The following TMEM163 variants were observed in gnomAD, a reference collection of about 807,000 sequenced individuals.
TMEM163 encodes the protein transmembrane protein 163.
TMEM163 carries 17 observed loss-of-function variants against 29.3 expected under a neutral mutation model. The ratio of observed to expected loss-of-function variants is 0.58; its 90% confidence interval spans 0.40 to 0.87. The LOEUF is 0.87. Among genes scored for constraint, TMEM163 ranks in the 40% least tolerant of loss-of-function variants. TMEM163 has a pLI of 0.00. For missense variants in TMEM163, 303 were observed against 381.5 expected, an observed-to-expected ratio of 0.79 and a Z score of 1.71; for synonymous variants, 157 against 160.6, an observed-to-expected ratio of 0.98 and a Z score of 0.17.
chr2:134,594,111 T>TC (rs1464476685), intron 2 of TMEM163, among the ~76,000 whole-genome samples: 4 of 152,084 alleles, frequency 2.6e-5, no homozygotes, highest in African/African-American at 9.7e-5. Flanking sequence ...TGGCAGAACT[T>TC]CCCCACCTTA....
chr2:134,558,857 A>T (rs548011303), intron 2 of TMEM163, among the ~76,000 whole-genome samples: 2 of 152,324 alleles, frequency 1.3e-5, no homozygotes, highest in South Asian at 4.1e-4. Flanking sequence ...TTGCAAAATT[A>T]TGTGACTGTA....
rs141950193 is a variant in TMEM163, at chr2:134,475,645, C to T, written c.556-9420G>A. Among the ~76,000 whole-genome samples, 36 of 152,110 alleles carry T rather than the reference C, an allele frequency of 2.4e-4. 3 individuals carry two copies. The highest frequency in any genetic ancestry group is 8.2e-4 in the African/African-American group (34 of 41,510). ...TAATTTCTACATCTCAGTAAGAAAA[C>T]AGATGACTCAATTAAAACAGAAGGC... On this transcript the variant is annotated intron_variant, in intron 5 of 7. Coordinates refer to ENST00000281924, the MANE Select transcript of TMEM163 (RefSeq NM_030923.5).
At chr2:134,519,782 C>T (rs767773625) in intron 4 of TMEM163, among the ~76,000 whole-genome samples, 5 of 150,528 alleles carry the variant, frequency 3.3e-5, no homozygotes, top group African/African-American at 9.8e-5. Context: ...TCCGACTACT[C>T]GAGACGCTGA....
chr2:134,505,985 A>G (rs1406429595), intron 4 of TMEM163, among the ~76,000 whole-genome samples: 3 of 152,142 alleles, frequency 2.0e-5, no homozygotes, highest in Admixed American at 2.0e-4. Flanking sequence ...CCCCCCATGG[A>G]GTCTGAGGAG....
At chr2:134,545,787 G>T (rs1680768874) in intron 4 of TMEM163, among the ~76,000 whole-genome samples, 1 of 152,158 alleles carries the variant, frequency 6.6e-6, no homozygotes, top group African/African-American at 2.4e-5. Flanking sequence ...TGGAATCTTG[G>T]TTTTTAGCAG....
chr2:134,473,947 G>T (rs1443769985), intron 5 of TMEM163, among the ~76,000 whole-genome samples: 1 of 151,958 alleles, frequency 6.6e-6, no homozygotes, highest in East Asian at 1.9e-4. Context: ...ATTTAAAGGA[G>T]AAATAACCAA....
At chr2:134,470,761 C>T (rs936558827) in intron 5 of TMEM163, among the ~76,000 whole-genome samples, 6 of 152,240 alleles carry the variant, frequency 3.9e-5, no homozygotes, top group African/African-American at 1.4e-4. Flanking sequence ...TGTGATTACC[C>T]TACCCAGGCC....
At chr2:134,657,022 C>A (rs1055240767) in intron 2 of TMEM163, among the ~76,000 whole-genome samples, 1 of 152,124 alleles carries the variant, frequency 6.6e-6, no homozygotes, top group Non-Finnish European at 1.5e-5. Flanking sequence ...ATTTTTGCAT[C>A]TATGTTAATA....
chr2:134,611,549 A>G (rs1411745191), intron 2 of TMEM163, among the ~76,000 whole-genome samples: 1 of 152,200 alleles, frequency 6.6e-6, no homozygotes, highest in Non-Finnish European at 1.5e-5. Flanking sequence ...TGACATATTC[A>G]GAGGTGTTCA....
intron 4 of TMEM163, among the ~76,000 whole-genome samples, chr2:134,547,476 A>G (rs147647344): frequency 1.1e-4 from 16 of 152,272 alleles, no homozygotes; most frequent in African/African-American, 3.4e-4. Context: ...CCAGTTGCAT[A>G]TTTTCCAATT....
chr2:134,513,414 C>G (rs1240127324), intron 4 of TMEM163, among the ~76,000 whole-genome samples: 1 of 152,188 alleles, frequency 6.6e-6, no homozygotes, highest in Non-Finnish European at 1.5e-5. Context: ...AGATTCTTTC[C>G]CCCTCCAAGA....
intron 4 of TMEM163, among the ~76,000 whole-genome samples, chr2:134,505,870 C>A (rs1397687018): frequency 2.6e-5 from 4 of 152,182 alleles, no homozygotes; most frequent in Non-Finnish European, 5.9e-5. Context: ...CAAAATTACA[C>A]TATAAATTCT....
chr2:134,494,495 G>A (rs527928930), intron 5 of TMEM163, among the ~76,000 whole-genome samples: 6 of 152,238 alleles, frequency 3.9e-5, no homozygotes, highest in East Asian at 3.9e-4. Flanking sequence ...AGGAACCTAC[G>A]GCATTACCCA....
At chr2:134,533,638 A>AT (rs1680464103) in intron 4 of TMEM163, among the ~76,000 whole-genome samples, 2 of 152,222 alleles carry the variant, frequency 1.3e-5, no homozygotes, top group Non-Finnish European at 1.5e-5. Context: ...TTCTCTTGTA[A>AT]TAAACCATCT....
At chr2:134,521,016 T>G (rs80007805) in intron 4 of TMEM163, among the ~76,000 whole-genome samples, 1 of 151,394 alleles carries the variant, frequency 6.6e-6, no homozygotes, top group African/African-American at 2.4e-5. Context: ...TTTTTTTTTT[T>G]GAGAGGCAGC....
chr2:134,481,501 G>A (rs974607326), intron 5 of TMEM163, among the ~76,000 whole-genome samples: 3 of 152,126 alleles, frequency 2.0e-5, no homozygotes, highest in Non-Finnish European at 2.9e-5. Context: ...TGTGAGGCGT[G>A]CCTTTCACCT....
At chr2:134,466,556 T>A (rs965949444) in intron 5 of TMEM163, 1 of 233,336 alleles carries the variant, frequency 4.3e-6, no homozygotes, top group Non-Finnish European at 8.5e-6. Flanking sequence ...AAGAACAGCA[T>A]CTTCTATATA....
intron 2 of TMEM163, among the ~76,000 whole-genome samples, chr2:134,709,999 A>G (rs1684893774): frequency 6.6e-6 from 1 of 152,152 alleles, no homozygotes. Flanking sequence ...CAATCAGAAC[A>G]TTTTTTAATC....
intron 2 of TMEM163, among the ~76,000 whole-genome samples, chr2:134,633,417 A>T (rs888387506): frequency 6.6e-6 from 1 of 152,166 alleles, no homozygotes; most frequent in Non-Finnish European, 1.5e-5. Flanking sequence ...TCATGTTGCC[A>T]AGAGCAGAAA....
Sources: gnomAD v4.1 joint callset for allele counts (sites outside exome capture counted in the v4.1 genomes callset) on GRCh38, gnomAD v4.1.1 for gene constraint, MANE v1.5 for transcripts, NCBI Gene and HGNC (gene_info 2026-07-23, HGNC 2026-07-21) for gene names.